The following ZNF292 variants were observed in gnomAD, a reference collection of about 807,000 sequenced individuals.
ZNF292 encodes the protein zinc finger protein 292, also known as 16 zinc-finger domain protein.
A neutral mutation model predicts 217.9 loss-of-function variants in ZNF292; 26 were observed. The observed-to-expected ratio is 0.12, with a 90% confidence interval of 0.09 to 0.17. The LOEUF is 0.17. ZNF292 is among the 10% of genes least tolerant of loss of function. The probability of loss-of-function intolerance (pLI) is 1.00; values close to 1 mark genes in which losing one functional copy is unlikely to be tolerated. For missense variants in ZNF292, 2,904 were observed against 3,175.2 expected (o/e 0.91, Z 2.05); for synonymous variants, 1,257 against 1,124.1 (o/e 1.12, Z -2.37).
Position 87,261,594 on chromosome 6 carries a change from C to G in ZNF292, c.7965C>G (p.Ala2655=). ...AAAGCGAAACGTTTGTACAGTTTGC[C>G]AATCCATCACAGCTTCAGTGCAGTG... ...CKESETFVQF[A]NPSQLQCSDN... The change falls in exon 8 of 8, where the codon GCC becomes GCG. Residue 2655 remains alanine, a synonymous_variant. Coordinates refer to ENST00000369577, the MANE Select transcript of ZNF292 (RefSeq NM_015021.3). 6.2e-7 allele frequency: 1 copy of G among 1,610,836 alleles called. No individual in the cohort carries two copies. The highest frequency in any genetic ancestry group is 8.5e-7 in the Non-Finnish European group (1 of 1,178,252).
In ZNF292 at chr6:87,256,408, ACTC is replaced by A. The variant is rs575913628; in HGVS notation, c.2783_2785del (p.Pro928del). ...AAATGGTTTGGAAAACCCTGCTACTACTCCTCTACTTCAATCCAGTGAAGTAGC... is the reference window on the plus strand; with the variant it reads ...AAATGGTTTGGAAAACCCTGCTACTACTCTACTTCAATCCAGTGAAGTAGC... On this transcript the variant is annotated inframe_deletion, in exon 8 of 8. Coordinates refer to ENST00000369577, the MANE Select transcript of ZNF292 (RefSeq NM_015021.3). 89 of 1,607,240 alleles carry A rather than the reference ACTC, an allele frequency of 5.5e-5. No homozygotes were observed. The Middle Eastern group carries it at 1.2e-3, about 21-fold the overall frequency.
At chr6:87,193,511 G>C (rs1328692446) in intron 1 of ZNF292, among the ~76,000 whole-genome samples, 1 of 151,580 alleles carries the variant, frequency 6.6e-6, no homozygotes, top group Non-Finnish European at 1.5e-5. Context: ...CTGCACTCCA[G>C]CCTGGGTGAC....
At chr6:87,244,286 G>C (rs1306897709) in intron 6 of ZNF292, among the ~76,000 whole-genome samples, 3 of 152,168 alleles carry the variant, frequency 2.0e-5, no homozygotes, top group Non-Finnish European at 4.4e-5. Flanking sequence ...ATTGAGCCTC[G>C]TTATGAAGGA....
chr6:87,162,144 G>C (rs1170086634), intron 1 of ZNF292, among the ~76,000 whole-genome samples: 1 of 152,178 alleles, frequency 6.6e-6, no homozygotes, highest in Non-Finnish European at 1.5e-5. Flanking sequence ...CTTCAGGCTG[G>C]GGTATCAGGG....
chr6:87,257,092 T>G lies in ZNF292; in HGVS notation c.3463T>G (p.Tyr1155Asp). ...LNTPNNGKFV[Y>D]FLPSPVNSSN... Reference sequence around the variant, plus strand: ...TACACCAAATAATGGAAAGTTTGTTTATTTTTTGCCATCACCGGTGAACAG... The same window carrying G: ...TACACCAAATAATGGAAAGTTTGTTGATTTTTTGCCATCACCGGTGAACAG... The change falls in exon 8 of 8, where the codon TAT becomes GAT. Residue 1155 changes from tyrosine to aspartate, a missense_variant. Physicochemically the swap from Tyr to Asp is radical, Grantham distance 160. Transcript: ENST00000369577. 2 of 1,613,940 alleles carry G rather than the reference T, an allele frequency of 1.2e-6. No individual in the cohort carries two copies. Among genetic ancestry groups the G allele is most frequent in the Non-Finnish European group, 1.7e-6 (2 of 1,179,848 alleles).
intron 3 of ZNF292, 24 bp from the exon 4 acceptor site, chr6:87,218,569 CTTT>C: frequency 6.6e-7 from 1 of 1,505,204 alleles, no homozygotes; most frequent in Non-Finnish European, 8.9e-7. Flanking sequence ...TGTTGTAATT[CTTT>C]GGATGTTTAT....
At chr6:87,178,306 T>A (rs1274866764) in intron 1 of ZNF292, among the ~76,000 whole-genome samples, 1 of 152,214 alleles carries the variant, frequency 6.6e-6, no homozygotes, top group Non-Finnish European at 1.5e-5. Context: ...TTAAATCTTG[T>A]TGAATGGTTT....
At position 87,256,375 on chromosome 6, in the gene ZNF292, C is replaced by T. The variant is rs200493048; in HGVS notation, c.2746C>T (p.Pro916Ser). Reference protein sequence around the residue: ...SASELRQANGPLSNGLENPAT... With the variant: ...SASELRQANGSLSNGLENPAT... ...CTCTGAGCTCAGGCAAGCTAATGGA[C>T]CATTGTCAAATGGTTTGGAAAACCC... The change falls in exon 8 of 8, where the codon CCA (proline) becomes TCA (serine). Residue 916 changes from proline (P) to serine (S), a missense_variant. Pro to Ser is a moderately conservative substitution (Grantham distance 74). This residue lies in a region of ZNF292 where 687 missense variants were observed against 623.0 expected (regional missense o/e 1.10). Transcript: ENST00000369577. 43 of 1,609,770 alleles carry T rather than the reference C, an allele frequency of 2.7e-5. No homozygotes were observed. Among genetic ancestry groups the T allele is most frequent in the Non-Finnish European group, 3.3e-5 (39 of 1,179,828 alleles).
At position 87,257,377 on chromosome 6, in the gene ZNF292, G is replaced by T; in HGVS notation, c.3748G>T (p.Val1250Phe). ...PAQMEDLTKT[V>F]LPLNIDSGSD... ...ACAAATGGAAGATCTAACCAAAACA[G>T]TTCTGCCTTTGAATATTGACAGTGG... is the stretch of plus-strand genomic sequence containing the variant. Residue 1250 changes from valine to phenylalanine, a missense_variant, in exon 8 of 8, where the codon GTT becomes TTT. Val to Phe is a conservative substitution (Grantham distance 50). Coordinates refer to ENST00000369577, the MANE Select transcript of ZNF292 (RefSeq NM_015021.3). 1 of 1,613,632 alleles carries T rather than the reference G, an allele frequency of 6.2e-7. No individual in the cohort carries two copies. The highest frequency in any genetic ancestry group is 8.5e-7 in the Non-Finnish European group (1 of 1,179,762).
intron 2 of ZNF292, 75 bp downstream of exon 2, chr6:87,216,132 C>A (rs1157211202): frequency 3.6e-6 from 3 of 842,296 alleles, no homozygotes; most frequent in African/African-American, 3.7e-5. Flanking sequence ...CACACACACA[C>A]ACACACACAC....
intron 3 of ZNF292, among the ~76,000 whole-genome samples, chr6:87,218,385 ATACAT>A (rs1772894850): frequency 6.6e-6 from 1 of 152,180 alleles, no homozygotes; most frequent in African/African-American, 2.4e-5. Flanking sequence ...ACTTCTGTAA[ATACAT>A]TATATTTATT....
intron 3 of ZNF292, 75 bp from the exon 4 acceptor site, chr6:87,218,521 G>A (rs1772901073): frequency 7.9e-7 from 1 of 1,259,886 alleles, no homozygotes; most frequent in Non-Finnish European, 1.1e-6. Context: ...GAAGTTTAGT[G>A]TTATATTTAA....
intron 4 of ZNF292, among the ~76,000 whole-genome samples, chr6:87,227,202 T>C (rs190739728): frequency 5.7e-4 from 87 of 152,304 alleles, no homozygotes; most frequent in African/African-American, 1.7e-3. Flanking sequence ...TTATCCCTAA[T>C]TGGTCATTTG....
At chr6:87,247,841 A>C (rs1331523249) in intron 7 of ZNF292, among the ~76,000 whole-genome samples, 2 of 152,236 alleles carry the variant, frequency 1.3e-5, no homozygotes, top group Non-Finnish European at 2.9e-5. Context: ...GAAAGTATCA[A>C]AATGACCAAG....
intron 4 of ZNF292, among the ~76,000 whole-genome samples, chr6:87,226,714 C>T (rs1036365696): frequency 8.0e-5 from 12 of 150,000 alleles, no homozygotes; most frequent in Non-Finnish European, 5.9e-5. Context: ...GAGTCTCCCT[C>T]TGTCGCCCAA....
At chr6:87,216,855 G>T (rs1444716919) in intron 3 of ZNF292, among the ~76,000 whole-genome samples, 1 of 151,966 alleles carries the variant, frequency 6.6e-6, no homozygotes, top group Non-Finnish European at 1.5e-5. Flanking sequence ...TTCGAACTAA[G>T]GTTCTTTATT....
intron 4 of ZNF292, among the ~76,000 whole-genome samples, chr6:87,225,989 G>C (rs1773325776): frequency 6.6e-6 from 1 of 152,136 alleles, no homozygotes; most frequent in Admixed American, 6.6e-5. Flanking sequence ...AGTACCAGGT[G>C]TCTGACACTC....
chr6:87,200,577 G>A (rs912993469), intron 1 of ZNF292, among the ~76,000 whole-genome samples: 1 of 152,192 alleles, frequency 6.6e-6, no homozygotes, highest in Admixed American at 6.5e-5. Flanking sequence ...CATCAATGTG[G>A]TTGCTTCTGT....
At chr6:87,227,368 A>C (rs1207059743) in intron 4 of ZNF292, among the ~76,000 whole-genome samples, 1 of 152,120 alleles carries the variant, frequency 6.6e-6, no homozygotes, top group South Asian at 2.1e-4. Context: ...GTTTTATTAA[A>C]TGTCTTAATT....
Sources: gnomAD v4.1 joint callset for allele counts (sites outside exome capture counted in the v4.1 genomes callset) on GRCh38, gnomAD v4.1.1 for gene constraint, gnomAD v4.1.1 regional missense constraint, MANE v1.5 for transcripts, NCBI Gene and HGNC (gene_info 2026-07-23, HGNC 2026-07-21) for gene names.